KPNA3: variants seen among roughly 807,000 people sequenced by gnomAD.
The protein encoded by KPNA3 is karyopherin subunit alpha 3.
A neutral mutation model predicts 73.8 loss-of-function variants in KPNA3; 13 were observed. The observed-to-expected ratio is 0.18, with a 90% CI of 0.11 to 0.28. The LOEUF (loss-of-function observed/expected upper bound fraction) is 0.28, where lower values mean the gene tolerates loss of function less well. Ranked by LOEUF, KPNA3 falls within the 10% of genes least tolerant of loss-of-function variation. The pLI is 1.00. For synonymous variants in KPNA3, 186 were observed against 206.9 expected (o/e 0.90, Z 0.87); for missense variants, 360 against 618.1 (o/e 0.58, Z 4.43).
intron 2 of KPNA3, among the ~76,000 whole-genome samples, chr13:49,740,976 G>T (rs1416518621): frequency 3.9e-5 from 6 of 152,222 alleles, no homozygotes. Context: ...AAAAGAGAGG[G>T]TTTCTTTCTT....
intron 1 of KPNA3, among the ~76,000 whole-genome samples, chr13:49,754,700 T>C (rs1954695875): frequency 6.7e-6 from 1 of 148,278 alleles, no homozygotes; most frequent in Admixed American, 6.7e-5. Flanking sequence ...AAAAAGGTAC[T>C]ATCACTACAG....
intron 1 of KPNA3, among the ~76,000 whole-genome samples, chr13:49,782,300 T>C (rs1243771047): frequency 6.6e-6 from 1 of 152,204 alleles, no homozygotes; most frequent in Non-Finnish European, 1.5e-5. Context: ...CAGTCACTGT[T>C]ATTCATACTA....
intron 15 of KPNA3, among the ~76,000 whole-genome samples, chr13:49,704,480 A>G (rs918369059): frequency 1.5e-4 from 16 of 104,526 alleles, no homozygotes; most frequent in South Asian, 9.2e-4. Flanking sequence ...TAAATAAATA[A>G]ATAGAAAGAA....
At chr13:49,731,026 T>C (rs978409211) in intron 6 of KPNA3, among the ~76,000 whole-genome samples, 13 of 151,746 alleles carry the variant, frequency 8.6e-5, no homozygotes, top group Non-Finnish European at 1.9e-4. Flanking sequence ...ATGACCCACC[T>C]GCCTCAGCCT....
chr13:49,772,017 C>T (rs1954859880), intron 1 of KPNA3, among the ~76,000 whole-genome samples: 1 of 152,158 alleles, frequency 6.6e-6, no homozygotes, highest in Non-Finnish European at 1.5e-5. Context: ...ATTTTGTATA[C>T]TGATCTTGTA....
At chr13:49,703,070 A>G (rs1454654778) in intron 15 of KPNA3, among the ~76,000 whole-genome samples, 2 of 151,344 alleles carry the variant, frequency 1.3e-5, no homozygotes, top group African/African-American at 4.9e-5. Context: ...GGGTTTCACT[A>G]TGTTAGCCAG....
chr13:49,730,868 C>A (rs1954461371), intron 6 of KPNA3, among the ~76,000 whole-genome samples: 1 of 150,554 alleles, frequency 6.6e-6, no homozygotes, highest in South Asian at 2.1e-4. Flanking sequence ...CCTCCGCCTC[C>A]CAGGTTCACA....
At chr13:49,732,687 GA>G (rs11342957) in intron 4 of KPNA3, 30 bp from the exon 5 acceptor site, 730,223 of 1,336,040 alleles carry the variant, frequency 0.55, 156,944 homozygotes, top group East Asian at 0.81. Flanking sequence ...TTTCAGAAAT[GA>G]AAAAAAAAAA....
Position 49,702,368 on chromosome 13 carries a change from AT to A in KPNA3, c.1467+17del. On this transcript the variant is annotated intron_variant, in intron 16 of 16. Coordinates refer to ENST00000261667, the MANE Select transcript of KPNA3 (RefSeq NM_002267.4). Reference sequence around the variant, plus strand: ...TTTCATTTACATGAAGATACACGCTATTTTAATATCTACTTACATCATCACC... The same window carrying A: ...TTTCATTTACATGAAGATACACGCTATTTAATATCTACTTACATCATCACC... The A allele has an allele frequency of 1.6e-6, 2 of 1,220,436 alleles. No homozygotes were observed. The highest frequency in any genetic ancestry group is 2.4e-6 in the Non-Finnish European group (2 of 835,806). 75.6% of individuals were successfully genotyped at this position (1,220,436 alleles called of 1,614,324 possible).
chr13:49,791,880 AC>A (rs753932023), intron 1 of KPNA3, among the ~76,000 whole-genome samples: 7 of 151,776 alleles, frequency 4.6e-5, no homozygotes, highest in Non-Finnish European at 8.8e-5. Context: ...CCCATCGATC[AC>A]CCTCAAACAA....
chr13:49,723,603 T>C (rs1954380503), intron 7 of KPNA3, among the ~76,000 whole-genome samples: 1 of 148,458 alleles, frequency 6.7e-6, no homozygotes, highest in Non-Finnish European at 1.5e-5. Flanking sequence ...CCGGGCACAG[T>C]GGCTCACACC....
chr13:49,724,567 A>G (rs1244943400), intron 7 of KPNA3, among the ~76,000 whole-genome samples: 1 of 152,176 alleles, frequency 6.6e-6, no homozygotes, highest in Middle Eastern at 3.4e-3. Context: ...TCGGCCTCCC[A>G]AAGTGCTGGG....
chr13:49,783,267 A>G (rs1480256593), intron 1 of KPNA3, among the ~76,000 whole-genome samples: 2 of 152,220 alleles, frequency 1.3e-5, no homozygotes, highest in East Asian at 3.8e-4. Context: ...GATTAATTCC[A>G]AGTAAATATA....
At chr13:49,711,300 A>G (rs1267572356) in intron 10 of KPNA3, among the ~76,000 whole-genome samples, 1 of 152,232 alleles carries the variant, frequency 6.6e-6, no homozygotes, top group Non-Finnish European at 1.5e-5. Flanking sequence ...ATGAATTTAA[A>G]AACAGGCAGA....
At chr13:49,786,842 G>A (rs945689369) in intron 1 of KPNA3, among the ~76,000 whole-genome samples, 3 of 152,162 alleles carry the variant, frequency 2.0e-5, no homozygotes, top group African/African-American at 7.2e-5. Context: ...AAGTAACACA[G>A]AAAGATATGA....
At chr13:49,753,026 C>CAAAAAAA (rs71078888) in intron 1 of KPNA3, among the ~76,000 whole-genome samples, 12 of 82,208 alleles carry the variant, frequency 1.5e-4, no homozygotes, top group Middle Eastern at 9.6e-3. Context: ...GACTCTGTCT[C>CAAAAAAA]AAAAAAAAAA....
chr13:49,753,118 C>T (rs1404879380), intron 1 of KPNA3, among the ~76,000 whole-genome samples: 6 of 150,778 alleles, frequency 4.0e-5, no homozygotes, highest in Non-Finnish European at 7.4e-5. Context: ...ATAAAGACTC[C>T]TCAAATAAGA....
intron 7 of KPNA3, among the ~76,000 whole-genome samples, chr13:49,725,143 T>A (rs953806089): frequency 3.9e-5 from 6 of 152,216 alleles, no homozygotes; most frequent in African/African-American, 1.4e-4. Flanking sequence ...CCATTCAGCA[T>A]CTTGAAGATA....
Position 49,792,590 on chromosome 13 carries a change from G to T in KPNA3, c.-84C>A, listed in dbSNP as rs1955046540. 2.4e-5 allele frequency: 9 copies of T among 380,626 alleles called. No individual in the cohort carries two copies. The East Asian group carries it at 4.0e-4, about 17-fold the overall frequency. The allele number at this position is 380,626 out of a possible 1,614,324, so 23.6% of individuals were successfully genotyped here. On this transcript the variant is annotated 5_prime_UTR_variant, in exon 1 of 17. Transcript: ENST00000261667. The stretch of plus-strand genomic sequence containing the variant: ...TCTTGGAGCGGGAGGGGGAGGAGGG[G>T]GAGAGCGGGAGGGGGGAGGGGAGAG...
Sources: allele counts gnomAD v4.1 joint callset (sites outside exome capture counted in the v4.1 genomes callset), GRCh38; gene constraint gnomAD v4.1.1; transcripts MANE v1.5; gene names NCBI Gene and HGNC (gene_info 2026-07-23, HGNC 2026-07-21).